Variants in ZNF407 observed in about 807,000 individuals in gnomAD.
The protein encoded by ZNF407 is zinc finger protein 407.
ZNF407 carries 17 observed loss-of-function variants against 131.2 expected under a neutral mutation model. The observed-to-expected ratio is 0.13, with a 90% CI of 0.09 to 0.19. ZNF407 has a LOEUF of 0.19. ZNF407 is among the 10% of genes least tolerant of loss of function. The pLI is 1.00. For synonymous variants in ZNF407, 1,156 were observed against 1,062.0 expected, an observed-to-expected ratio of 1.09 and a Z score of -1.72; for missense variants, 2,681 against 2,830.6, an observed-to-expected ratio of 0.95 and a Z score of 1.20.
chr18:74,737,701 A>C (rs947580010), intron 3 of ZNF407, among the ~76,000 whole-genome samples: 1 of 152,246 alleles, frequency 6.6e-6, no homozygotes, highest in African/African-American at 2.4e-5. Flanking sequence ...GTGTGTACAC[A>C]CATGCATACA....
Position 75,063,133 on chromosome 18 carries a change from G to T in ZNF407, c.5429-17G>T. The stretch of plus-strand genomic sequence containing the variant: ...GAGTACTTTTTCCAGGCTCTAACTG[G>T]TCCCTGTCTCCCTTAGGCATTGTTT... On this transcript the variant is annotated splice_polypyrimidine_tract_variant and intron_variant, in intron 8 of 8. Coordinates refer to ENST00000299687, the MANE Select transcript of ZNF407 (RefSeq NM_017757.3). This position sits in a 1 kb window ranked among gnomAD's most constrained non-coding sequence, Gnocchi z 6.6. 1 of 1,543,550 alleles carries T rather than the reference G, an allele frequency of 6.5e-7. No homozygotes were observed. Among genetic ancestry groups the T allele is most frequent in the Non-Finnish European group, 8.7e-7 (1 of 1,144,184 alleles).
At chr18:75,004,455 G>A (rs377152362) in intron 8 of ZNF407, among the ~76,000 whole-genome samples, 1 of 152,166 alleles carries the variant, frequency 6.6e-6, no homozygotes, top group Non-Finnish European at 1.5e-5. Context: ...GGACAGGCCC[G>A]TGCCACCGAA....
intron 8 of ZNF407, among the ~76,000 whole-genome samples, chr18:75,060,650 CA>C (rs1374469189): frequency 6.6e-6 from 1 of 151,872 alleles, no homozygotes; most frequent in Non-Finnish European, 1.5e-5. Flanking sequence ...GGATTACAGG[CA>C]CCCGCCACCG....
chr18:75,045,451 C>T, intron 8 of ZNF407, among the ~76,000 whole-genome samples: 1 of 152,176 alleles, frequency 6.6e-6, no homozygotes, highest in East Asian at 1.9e-4. Flanking sequence ...CGTAGGCCCA[C>T]TGCCTGCAAA....
chr18:74,972,196 T>C (rs1469251712), intron 8 of ZNF407, among the ~76,000 whole-genome samples: 1 of 152,120 alleles, frequency 6.6e-6, no homozygotes, highest in Non-Finnish European at 1.5e-5. Flanking sequence ...TTTTCACTGT[T>C]GTGATTTCCA....
intron 3 of ZNF407, among the ~76,000 whole-genome samples, chr18:74,705,542 T>G (rs1437416555): frequency 6.6e-6 from 1 of 152,232 alleles, no homozygotes; most frequent in Non-Finnish European, 1.5e-5. Flanking sequence ...GCTTTATGAA[T>G]ATGTATTGGT....
intron 3 of ZNF407, among the ~76,000 whole-genome samples, chr18:74,747,724 T>G (rs1461490655): frequency 6.6e-6 from 1 of 152,166 alleles, no homozygotes; most frequent in Non-Finnish European, 1.5e-5. Flanking sequence ...AGCACAAGTT[T>G]AGCTGCATTA....
At position 74,633,293 on chromosome 18, in the gene ZNF407, T is replaced by C. The variant is rs767489366; in HGVS notation, c.2274T>C (p.His758=). 2 of 1,612,684 alleles carry C rather than the reference T, an allele frequency of 1.2e-6. No individual in the cohort carries two copies. Among genetic ancestry groups the C allele is most frequent in the Non-Finnish European group, 1.7e-6 (2 of 1,179,600 alleles). The stretch of plus-strand genomic sequence containing the variant: ...AGAAACACATTAAAAGAAGCAAGCA[T>C]CTTGAAAATGCTAAGAAAAATAATA... ...GMEKHIKRSK[H]LENAKKNNIG... is the part of the protein sequence containing the mutation. Residue 758 remains histidine (H), a synonymous_variant, in exon 2 of 9, where the codon CAT becomes CAC. Transcript: ENST00000299687.
At chr18:74,806,493 T>C (rs2628103) in intron 4 of ZNF407, among the ~76,000 whole-genome samples, 149,835 of 152,320 alleles carry the variant, frequency 0.98, 73,745 homozygotes, top group East Asian at 1. Context: ...TCCATGGACA[T>C]AGCTTTTTGA....
At chr18:74,859,297 C>G (rs563865815) in intron 4 of ZNF407, among the ~76,000 whole-genome samples, 1 of 152,258 alleles carries the variant, frequency 6.6e-6, no homozygotes, top group Admixed American at 6.5e-5. Context: ...TATCACAGTT[C>G]ATTAATGCTG....
intron 4 of ZNF407, among the ~76,000 whole-genome samples, chr18:74,858,003 CCTTT>C (rs963341498): frequency 6.8e-6 from 1 of 147,156 alleles, no homozygotes; most frequent in African/African-American, 2.5e-5. Flanking sequence ...CTACCTCTCC[CCTTT>C]CTTCCTTCCC....
At chr18:74,662,479 T>A (rs990061447) in intron 3 of ZNF407, among the ~76,000 whole-genome samples, 1 of 152,186 alleles carries the variant, frequency 6.6e-6, no homozygotes, top group African/African-American at 2.4e-5. Context: ...TTGAAATAAG[T>A]TCATAAGCAT....
chr18:74,878,031 G>A, intron 5 of ZNF407, among the ~76,000 whole-genome samples: 1 of 152,202 alleles, frequency 6.6e-6, no homozygotes, highest in East Asian at 1.9e-4. Flanking sequence ...GGTATGTGGA[G>A]CAACACTGAG....
chr18:74,651,976 A>G (rs550789920), intron 3 of ZNF407, among the ~76,000 whole-genome samples: 1 of 152,256 alleles, frequency 6.6e-6, no homozygotes, highest in South Asian at 2.1e-4. Flanking sequence ...GACCAGTGAA[A>G]TCTGTCACAG....
Position 74,973,579 on chromosome 18 carries a change from ATAT to A in ZNF407, c.5428+52891_5428+52893del, listed in dbSNP as rs1341765022. ...GTTTTATAATTATTACATATGGCTA[ATAT>A]TATAAAAGTCATCATCATAACTGAA... On this transcript the variant is annotated intron_variant, in intron 8 of 8. Coordinates refer to ENST00000299687, the MANE Select transcript of ZNF407 (RefSeq NM_017757.3). 3.3e-5 allele frequency among the ~76,000 whole-genome samples: 5 copies of A among 152,336 alleles called. No individual in the cohort carries two copies. In the East Asian group the frequency reaches 9.6e-4, roughly 29 times the overall value.
At chr18:74,835,689 C>G (rs1262794780) in intron 4 of ZNF407, among the ~76,000 whole-genome samples, 1 of 145,396 alleles carries the variant, frequency 6.9e-6, no homozygotes, top group East Asian at 2.0e-4. Context: ...GAAAATGTGT[C>G]CAGGGTTGAC....
At chr18:74,661,880 A>C (rs1394591262) in intron 3 of ZNF407, among the ~76,000 whole-genome samples, 1 of 152,184 alleles carries the variant, frequency 6.6e-6, no homozygotes. Context: ...TTAATGTAAA[A>C]GGCCAGCCCC....
At chr18:74,913,030 T>C (rs1381362535) in intron 7 of ZNF407, among the ~76,000 whole-genome samples, 1 of 152,214 alleles carries the variant, frequency 6.6e-6, no homozygotes, top group Non-Finnish European at 1.5e-5. Flanking sequence ...ACCCACCACA[T>C]GGGCAACAAT....
chr18:74,683,392 T>C (rs982426034), intron 3 of ZNF407, among the ~76,000 whole-genome samples: 17 of 152,256 alleles, frequency 1.1e-4, no homozygotes, highest in African/African-American at 3.9e-4. Context: ...TTAGGTCTGA[T>C]ATTAAATATT....
Sources: gnomAD v4.1 joint callset for allele counts (sites outside exome capture counted in the v4.1 genomes callset) on GRCh38, gnomAD v4.1.1 for gene constraint, Gnocchi (gnomAD v3.1) non-coding constraint, MANE v1.5 for transcripts, NCBI Gene and HGNC (gene_info 2026-07-23, HGNC 2026-07-21) for gene names.